TMEM170B: variants seen among roughly 807,000 people sequenced by gnomAD.
TMEM170B encodes transmembrane protein 170B.
Under a neutral mutation model 13.0 loss-of-function variants are expected in TMEM170B, and 6 were observed. The ratio of observed to expected loss-of-function variants is 0.46; its 90% CI spans 0.25 to 0.91. The LOEUF is 0.91. Ranked by LOEUF, TMEM170B falls within the 40% of genes least tolerant of loss-of-function variation. The pLI is 0.17. For missense variants in TMEM170B, 138 were observed against 165.2 expected, an observed-to-expected ratio of 0.84 and a Z score of 0.90; for synonymous variants, 61 against 64.9, an observed-to-expected ratio of 0.94 and a Z score of 0.29.
At chr6:11,558,012 C>T (rs998900979) in intron 1 of TMEM170B, among the ~76,000 whole-genome samples, 17 of 152,142 alleles carry the variant, frequency 1.1e-4, no homozygotes, top group African/African-American at 4.1e-4. Flanking sequence ...TGGGCTCAAG[C>T]GATCCTCCTG....
At chr6:11,560,582 TA>T (rs11404962) in intron 1 of TMEM170B, among the ~76,000 whole-genome samples, 2,010 of 135,632 alleles carry the variant, frequency 0.015, 36 homozygotes, top group African/African-American at 0.045. Context: ...TGCTATCTCT[TA>T]AAAAAAAAAA....
intron 1 of TMEM170B, 150 bp downstream of exon 1, chr6:11,538,524 A>G: frequency 3.3e-6 from 2 of 612,282 alleles, no homozygotes; most frequent in Non-Finnish European, 5.3e-6. Flanking sequence ...TGTTAATCGG[A>G]GCCACTCTGC....
At chr6:11,542,772 T>C (rs890254223) in intron 1 of TMEM170B, among the ~76,000 whole-genome samples, 1 of 152,196 alleles carries the variant, frequency 6.6e-6, no homozygotes, top group Non-Finnish European at 1.5e-5. Flanking sequence ...CTGCCTACAG[T>C]GCCATTTACA....
Position 11,575,382 on chromosome 6 carries a change from T to C in TMEM170B, c.269-49T>C. ...TCTTAAGGTGCAGCATGCAGTGTGT[T>C]ATAAAACGAGTGACTGTATCCCTTC... On this transcript the variant is annotated intron_variant, in intron 2 of 2. Coordinates refer to ENST00000379426, the MANE Select transcript of TMEM170B (RefSeq NM_001100829.3). The surrounding 1 kb of genome is among the most constrained non-coding windows in gnomAD (Gnocchi z 4.1). The C allele has an allele frequency of 6.2e-7, 1 of 1,610,712 alleles. No individual in the cohort carries two copies. The highest frequency in any genetic ancestry group is 8.5e-7 in the Non-Finnish European group (1 of 1,177,658).
At chr6:11,563,572 G>T (rs1759698057) in intron 1 of TMEM170B, among the ~76,000 whole-genome samples, 1 of 152,160 alleles carries the variant, frequency 6.6e-6, no homozygotes, top group Admixed American at 6.5e-5. Flanking sequence ...TAAGTCGGGG[G>T]TTCCCATTGA....
At chr6:11,560,191 G>A (rs1421829195) in intron 1 of TMEM170B, among the ~76,000 whole-genome samples, 1 of 151,428 alleles carries the variant, frequency 6.6e-6, no homozygotes, top group Non-Finnish European at 1.5e-5. Context: ...TTTTGAGACA[G>A]TCTTGCTGTG....
chr6:11,574,486 G>A (rs1421044010), intron 2 of TMEM170B, among the ~76,000 whole-genome samples: 1 of 152,034 alleles, frequency 6.6e-6, no homozygotes, highest in Non-Finnish European at 1.5e-5. Flanking sequence ...AATTGTAATT[G>A]TCAATTCAGT....
chr6:11,538,807 G>A (rs892737677), intron 1 of TMEM170B, among the ~76,000 whole-genome samples: 4 of 152,214 alleles, frequency 2.6e-5, no homozygotes, highest in African/African-American at 9.7e-5. Context: ...CAAGCCAAAT[G>A]TAGAACCTAA....
intron 2 of TMEM170B, among the ~76,000 whole-genome samples, chr6:11,570,442 G>T (rs942682476): frequency 3.3e-5 from 5 of 151,930 alleles, no homozygotes; most frequent in Non-Finnish European, 7.4e-5. Flanking sequence ...AAAATACAGA[G>T]CATAATAGAA....
At chr6:11,543,852 A>T (rs1759394563) in intron 1 of TMEM170B, among the ~76,000 whole-genome samples, 1 of 152,174 alleles carries the variant, frequency 6.6e-6, no homozygotes, top group Non-Finnish European at 1.5e-5. Context: ...CTTGTGTATT[A>T]TCCCAATAGG....
chr6:11,555,042 T>G (rs1759570578), intron 1 of TMEM170B, among the ~76,000 whole-genome samples: 1 of 152,206 alleles, frequency 6.6e-6, no homozygotes, highest in Non-Finnish European at 1.5e-5. Flanking sequence ...AGGAGCTTCC[T>G]TCAATATATT....
rs564806740 is a variant in TMEM170B, at chr6:11,582,557, C to T, written c.*6996C>T. On this transcript the variant is annotated 3_prime_UTR_variant, in exon 3 of 3. Transcript: ENST00000379426. ...GTATTTTTCTCTATTTTTTCTTTTTCCAAGTATGAAATGGAAAAAAATGTA... is the reference window on the plus strand; with the variant it reads ...GTATTTTTCTCTATTTTTTCTTTTTTCAAGTATGAAATGGAAAAAAATGTA... 4 of 151,982 alleles carry T rather than the reference C, an allele frequency of 2.6e-5. No individual in the cohort carries two copies. In the East Asian group the frequency reaches 7.7e-4, roughly 29 times the overall value. 9.4% of individuals were successfully genotyped at this position (151,982 alleles called of 1,614,324 possible). A position where few individuals can be genotyped will look rare whatever the true frequency, so the allele number is the denominator to read the frequency against.
intron 1 of TMEM170B, among the ~76,000 whole-genome samples, chr6:11,561,522 G>T (rs904020414): frequency 6.6e-6 from 1 of 152,142 alleles, no homozygotes; most frequent in African/African-American, 2.4e-5. Flanking sequence ...TGTATTTGCC[G>T]ATAGTGATTG....
At chr6:11,541,342 T>C (rs1759358011) in intron 1 of TMEM170B, among the ~76,000 whole-genome samples, 1 of 152,232 alleles carries the variant, frequency 6.6e-6, no homozygotes, top group African/African-American at 2.4e-5. Context: ...TCTGGATAAT[T>C]TGTGCTTCTA....
At chr6:11,565,066 C>T (rs1481181461) in intron 1 of TMEM170B, among the ~76,000 whole-genome samples, 1 of 152,024 alleles carries the variant, frequency 6.6e-6, no homozygotes, top group Non-Finnish European at 1.5e-5. Context: ...AGTGAACAGT[C>T]GATTGAGGTC....
At chr6:11,541,514 C>T (rs529760470) in intron 1 of TMEM170B, among the ~76,000 whole-genome samples, 1 of 152,324 alleles carries the variant, frequency 6.6e-6, no homozygotes, top group Non-Finnish European at 1.5e-5. Context: ...CTGGGTTAGG[C>T]TTTGGCTTAG....
intron 2 of TMEM170B, among the ~76,000 whole-genome samples, chr6:11,566,995 T>C (rs1398710206): frequency 1.3e-5 from 2 of 152,218 alleles, no homozygotes; most frequent in Non-Finnish European, 2.9e-5. Flanking sequence ...ATTTCAAGTG[T>C]TTTTATCCAT....
At chr6:11,564,312 C>T (rs1331408127) in intron 1 of TMEM170B, among the ~76,000 whole-genome samples, 2 of 152,206 alleles carry the variant, frequency 1.3e-5, no homozygotes, top group Non-Finnish European at 2.9e-5. Context: ...AGCCTCCATA[C>T]TATTTTCCAC....
chr6:11,560,389 G>T (rs1238531319), intron 1 of TMEM170B, among the ~76,000 whole-genome samples: 5 of 148,048 alleles, frequency 3.4e-5, no homozygotes, highest in Middle Eastern at 3.2e-3. Context: ...AGCCAGGATG[G>T]TCTCGATCTC....
Sources: allele counts gnomAD v4.1 joint callset (sites outside exome capture counted in the v4.1 genomes callset), GRCh38; gene constraint gnomAD v4.1.1; non-coding constraint Gnocchi (gnomAD v3.1); transcripts MANE v1.5; gene names NCBI Gene and HGNC (gene_info 2026-07-23, HGNC 2026-07-21).